PTPRQ: variants seen among roughly 807,000 people sequenced by gnomAD.
PTPRQ encodes phosphatidylinositol phosphatase PTPRQ.
In PTPRQ, 199 loss-of-function variants were observed where a neutral mutation model predicts 246.0. That is an observed-to-expected ratio of 0.81 (90% CI 0.72 to 0.91). The LOEUF is 0.91. Ranked by LOEUF, PTPRQ falls within the 40% of genes least tolerant of loss-of-function variation. The pLI, the probability that PTPRQ is intolerant of heterozygous loss-of-function variation, is 0.00. For synonymous variants in PTPRQ, 869 were observed against 853.2 expected, an observed-to-expected ratio of 1.02 and a Z score of -0.32; for missense variants, 2,624 against 2,528.4, an observed-to-expected ratio of 1.04 and a Z score of -0.81.
chr12:80,476,100 T>C (rs540466834), intron 8 of PTPRQ, among the ~76,000 whole-genome samples: 4 of 152,120 alleles, frequency 2.6e-5, no homozygotes, highest in Admixed American at 2.6e-4. Context: ...ATGGAAAAAG[T>C]GCCAGATCTC....
At chr12:80,546,953 G>A (rs576586779) in intron 24 of PTPRQ, 74 of 320,474 alleles carry the variant, frequency 2.3e-4, no homozygotes, top group African/African-American at 1.5e-3. Context: ...GAACAAAATA[G>A]CCTTCTAGAT....
intron 25 of PTPRQ, among the ~76,000 whole-genome samples, chr12:80,575,198 G>A (rs1243584253): frequency 1.3e-5 from 2 of 152,124 alleles, no homozygotes; most frequent in Non-Finnish European, 1.5e-5. Flanking sequence ...GTGTATAATA[G>A]CCTTAATGTC....
Position 80,549,563 on chromosome 12 carries a change from C to T in PTPRQ, c.4114C>T (p.Gln1372Ter). The T allele has an allele frequency of 6.4e-7, 1 of 1,551,134 alleles. No homozygotes were observed. ...PPKKANGIIT[Q>*]YMVTVERNST... is the part of the protein sequence containing the mutation. ...CAAAAAGGCAAATGGAATAATAACG[C>T]AGTATATGGTAACAGTTGAAAGGAA... The change falls in exon 25 of 45, where the codon CAG becomes TAG. Residue 1372 changes from glutamine (Q) to a stop codon, truncating the protein, a stop_gained. Coordinates refer to ENST00000644991, the MANE Select transcript of PTPRQ (RefSeq NM_001145026.2). LOFTEE classifies it high-confidence loss of function.
chr12:80,502,869 A>G (rs894445144), intron 14 of PTPRQ, among the ~76,000 whole-genome samples: 1 of 151,882 alleles, frequency 6.6e-6, no homozygotes, highest in African/African-American at 2.4e-5. Flanking sequence ...AATTATAGAG[A>G]TAAAGAAATA....
intron 14 of PTPRQ, among the ~76,000 whole-genome samples, chr12:80,505,161 G>A (rs1311807421): frequency 6.6e-6 from 1 of 151,838 alleles, no homozygotes; most frequent in African/African-American, 2.4e-5. Context: ...CTATACAAAT[G>A]CAAAGGCACC....
At chr12:80,630,136 TTAAA>T (rs1176128060) in intron 33 of PTPRQ, among the ~76,000 whole-genome samples, 1 of 152,204 alleles carries the variant, frequency 6.6e-6, no homozygotes, top group African/African-American at 2.4e-5. Context: ...ATTTTTTTCT[TTAAA>T]GTTAATTTAT....
chr12:80,655,295 A>C (rs925653880), intron 38 of PTPRQ, among the ~76,000 whole-genome samples: 2 of 152,166 alleles, frequency 1.3e-5, no homozygotes, highest in Admixed American at 1.3e-4. Context: ...TCTCTACCCC[A>C]TAAGAGTATT....
rs201849443 is a variant in PTPRQ at position 80,585,731 on chromosome 12, C to CT, written c.4286-2387dup. On this transcript the variant is annotated intron_variant, in intron 25 of 44. Coordinates refer to ENST00000644991, the MANE Select transcript of PTPRQ (RefSeq NM_001145026.2). ...ATATGGAATTTAGTATCTTCTTTTTCTTTTTTTTTTTATTATTATACTTTA... is the reference window on the plus strand; with the variant it reads ...ATATGGAATTTAGTATCTTCTTTTTCTTTTTTTTTTTTATTATTATACTTTA... Among the ~76,000 whole-genome samples, 258 of 146,718 alleles carry CT rather than the reference C, an allele frequency of 1.8e-3. 1 individual carries two copies. Among genetic ancestry groups the CT allele is most frequent in the African/African-American group, 4.4e-3 (176 of 40,224 alleles).
intron 17 of PTPRQ, among the ~76,000 whole-genome samples, chr12:80,516,919 G>C (rs916789069): frequency 6.6e-6 from 1 of 152,198 alleles, no homozygotes; most frequent in African/African-American, 2.4e-5. Flanking sequence ...TAGCATTATA[G>C]ACATGGAGTA....
intron 25 of PTPRQ, among the ~76,000 whole-genome samples, chr12:80,562,812 G>GA (rs1210296845): frequency 6.6e-6 from 1 of 151,414 alleles, no homozygotes; most frequent in African/African-American, 2.4e-5. Context: ...AAAACAGTAG[G>GA]AAAAATCAAT....
intron 8 of PTPRQ, among the ~76,000 whole-genome samples, chr12:80,476,383 T>C (rs1893812109): frequency 6.6e-6 from 1 of 152,160 alleles, no homozygotes; most frequent in African/African-American, 2.4e-5. Flanking sequence ...AAGGGCTTTA[T>C]CTGTCTTATT....
chr12:80,554,066 G>C (rs950140121), intron 25 of PTPRQ, among the ~76,000 whole-genome samples: 1 of 151,000 alleles, frequency 6.6e-6, no homozygotes, highest in African/African-American at 2.5e-5. Context: ...GCCTGGAAAA[G>C]GTAGGAGGGG....
intron 39 of PTPRQ, among the ~76,000 whole-genome samples, chr12:80,663,941 G>T (rs974215820): frequency 2.6e-5 from 4 of 151,846 alleles, no homozygotes; most frequent in African/African-American, 9.7e-5. Flanking sequence ...ACCCAATCAA[G>T]ACTTCATTTT....
intron 17 of PTPRQ, among the ~76,000 whole-genome samples, chr12:80,522,822 C>T (rs1895546061): frequency 6.6e-6 from 1 of 151,996 alleles, no homozygotes; most frequent in African/African-American, 2.4e-5. Flanking sequence ...ATGTAAAATT[C>T]TCTTTTTTTG....
At chr12:80,622,259 C>A in intron 33 of PTPRQ, 125 bp downstream of exon 33, 1 of 827,332 alleles carries the variant, frequency 1.2e-6, no homozygotes, top group Non-Finnish European at 1.7e-6. Context: ...TGTTAATTAG[C>A]CTCTCTAGTA....
intron 33 of PTPRQ, among the ~76,000 whole-genome samples, chr12:80,627,956 G>A (rs1899268042): frequency 6.6e-6 from 1 of 151,982 alleles, no homozygotes; most frequent in Non-Finnish European, 1.5e-5. Flanking sequence ...ATTACATATT[G>A]TTTATTAATA....
chr12:80,675,706 C>A (rs943146360), intron 43 of PTPRQ, among the ~76,000 whole-genome samples: 3 of 152,016 alleles, frequency 2.0e-5, no homozygotes, highest in African/African-American at 4.8e-5. Context: ...ATTTAGTAGT[C>A]AAAATATGTT....
intron 25 of PTPRQ, among the ~76,000 whole-genome samples, chr12:80,553,830 T>C (rs1896559676): frequency 6.6e-6 from 1 of 152,212 alleles, no homozygotes; most frequent in South Asian, 2.1e-4. Context: ...AGCAAGTCCA[T>C]GTGCATGCGG....
intron 8 of PTPRQ, among the ~76,000 whole-genome samples, chr12:80,479,421 C>T (rs1338879643): frequency 6.6e-6 from 1 of 151,812 alleles, no homozygotes; most frequent in East Asian, 1.9e-4. Flanking sequence ...ACTGCAAAAT[C>T]ATGCCAAAAT....
Sources: allele counts gnomAD v4.1 joint callset (sites outside exome capture counted in the v4.1 genomes callset), GRCh38; gene constraint gnomAD v4.1.1; transcripts MANE v1.5; gene names NCBI Gene and HGNC (gene_info 2026-07-23, HGNC 2026-07-21).